The following ZNF385B variants were observed in gnomAD, a reference collection of about 807,000 sequenced individuals.
The protein encoded by ZNF385B is zinc finger protein 385B, also known as zinc finger protein 533.
ZNF385B carries 23 observed loss-of-function variants against 39.2 expected under a neutral mutation model. The observed-to-expected ratio is 0.59, with a 90% CI of 0.42 to 0.83. The LOEUF (loss-of-function observed/expected upper bound fraction) is 0.83. Ranked by LOEUF, ZNF385B falls within the 40% of genes least tolerant of loss-of-function variation. The pLI, the probability that ZNF385B is intolerant of heterozygous loss-of-function variation, is 0.00. For synonymous variants in ZNF385B, 205 were observed against 222.6 expected (o/e 0.92, Z 0.70); for missense variants, 552 against 598.9 (o/e 0.92, Z 0.82).
rs529958954 is a variant in ZNF385B, at chr2:179,740,041, C to G, written c.298+29462G>C. On this transcript the variant is annotated intron_variant, in intron 3 of 9. Transcript: ENST00000410066. ...TATGGAAAAATGACAGAAAAAGAAG[C>G]CCTTACAGATTCATTTCTGAATCTG... Among the ~76,000 whole-genome samples the G allele has an allele frequency of 3.5e-4, 54 of 152,126 alleles. 1 individual carries two copies. In the South Asian group the frequency reaches 0.01, roughly 29 times the overall value.
intron 3 of ZNF385B, among the ~76,000 whole-genome samples, chr2:179,594,191 G>C (rs573821444): frequency 6.6e-6 from 1 of 152,288 alleles, no homozygotes; most frequent in Admixed American, 6.5e-5. Flanking sequence ...GTATAGATTA[G>C]TAGTTCGTTT....
rs550733520 is a variant in ZNF385B, at chr2:179,653,321, G to C, written c.299-108352C>G. On this transcript the variant is annotated intron_variant, in intron 3 of 9. Coordinates refer to ENST00000410066, the MANE Select transcript of ZNF385B (RefSeq NM_152520.6). ...GCTGCACAGAAGAAGAGAGAAGTCA[G>C]GGTATTTCTTTTGAGTTCCTTCTGT... Among the ~76,000 whole-genome samples the C allele has an allele frequency of 2.6e-5, 4 of 152,312 alleles. No individual in the cohort carries two copies. The South Asian group carries it at 8.3e-4, about 32-fold the overall frequency.
intron 6 of ZNF385B, among the ~76,000 whole-genome samples, chr2:179,466,915 C>CAAAAAAAAAAAAAAA (rs777679885): frequency 7.4e-5 from 2 of 26,930 alleles, no homozygotes; most frequent in African/African-American, 1.5e-4. Flanking sequence ...GCAAGACTGT[C>CAAAAAAAAAAAAAAA]AAAAAAAAAA....
At chr2:179,678,202 G>A (rs17771213) in intron 3 of ZNF385B, among the ~76,000 whole-genome samples, 24,248 of 152,132 alleles carry the variant, frequency 0.16, 1,984 homozygotes, top group South Asian at 0.19. Context: ...CAGTCAATCT[G>A]TCTCCTCACA....
chr2:179,490,857 G>C lies in ZNF385B; in HGVS notation c.553-7423C>G, dbSNP rs543444855. ...GCGCATAAGAGAGACAATTATTTAAGCTTGGCTGTATCAACTGTGATCTGA... is the reference window on the plus strand; with the variant it reads ...GCGCATAAGAGAGACAATTATTTAACCTTGGCTGTATCAACTGTGATCTGA... On this transcript the variant is annotated intron_variant, in intron 5 of 9. Transcript: ENST00000410066. Among the ~76,000 whole-genome samples the C allele has an allele frequency of 8.5e-4, 129 of 152,198 alleles. 2 individuals are homozygous for C. In the South Asian group the frequency reaches 0.025, roughly 29 times the overall value.
chr2:179,821,190 C>T (rs1302992616), intron 1 of ZNF385B, among the ~76,000 whole-genome samples: 1 of 152,202 alleles, frequency 6.6e-6, no homozygotes, highest in East Asian at 1.9e-4. Flanking sequence ...GGAATTCTCT[C>T]TCCTGTTGCC....
At chr2:179,688,141 G>C (rs1179203060) in intron 3 of ZNF385B, among the ~76,000 whole-genome samples, 2 of 152,028 alleles carry the variant, frequency 1.3e-5, no homozygotes, top group Admixed American at 6.6e-5. Context: ...CTGTGGTCTA[G>C]AAATGAAAGA....
intron 3 of ZNF385B, among the ~76,000 whole-genome samples, chr2:179,571,551 T>G (rs1434551321): frequency 1.3e-5 from 2 of 152,164 alleles, no homozygotes; most frequent in African/African-American, 4.8e-5. Context: ...CACATTGTAC[T>G]CTTAATCAGT....
chr2:179,715,267 G>C (rs969318757), intron 3 of ZNF385B, among the ~76,000 whole-genome samples: 3 of 152,100 alleles, frequency 2.0e-5, no homozygotes, highest in Admixed American at 6.5e-5. Flanking sequence ...CACCACCATA[G>C]GTGATGACTT....
Position 179,737,275 on chromosome 2 carries a change from C to T in ZNF385B, c.298+32228G>A, listed in dbSNP as rs370929855. Among the ~76,000 whole-genome samples, 73 of 152,128 alleles carry T rather than the reference C, an allele frequency of 4.8e-4. 1 individual carries two copies. Among genetic ancestry groups the T allele is most frequent in the Admixed American group, 1.3e-3 (20 of 15,280 alleles). ...GATGCTTATTTATTATCAAGTATAACGAGAAAATGTTACTTTTCTCTACTT... is the reference window on the plus strand; with the variant it reads ...GATGCTTATTTATTATCAAGTATAATGAGAAAATGTTACTTTTCTCTACTT... On this transcript the variant is annotated intron_variant, in intron 3 of 9. Coordinates refer to ENST00000410066, the MANE Select transcript of ZNF385B (RefSeq NM_152520.6).
intron 1 of ZNF385B, among the ~76,000 whole-genome samples, chr2:179,818,724 T>G (rs976088077): frequency 2.6e-5 from 4 of 152,206 alleles, no homozygotes; most frequent in African/African-American, 9.6e-5. Context: ...TATCCAGAGC[T>G]GACTAGGAGG....
chr2:179,739,932 A>T (rs930204110), intron 3 of ZNF385B, among the ~76,000 whole-genome samples: 4 of 152,108 alleles, frequency 2.6e-5, no homozygotes, highest in African/African-American at 9.7e-5. Flanking sequence ...ATTACACAAA[A>T]TCCAAAAGCT....
intron 5 of ZNF385B, among the ~76,000 whole-genome samples, chr2:179,485,557 C>G (rs888965325): frequency 1.3e-5 from 2 of 152,024 alleles, no homozygotes; most frequent in African/African-American, 2.4e-5. Flanking sequence ...GGGTGATAGG[C>G]CTACTTTATC....
At chr2:179,721,908 G>A (rs1454280110) in intron 3 of ZNF385B, among the ~76,000 whole-genome samples, 2 of 151,896 alleles carry the variant, frequency 1.3e-5, no homozygotes, top group Non-Finnish European at 1.5e-5. Context: ...CTAAGAAATA[G>A]AGAAGATGAA....
chr2:179,481,924 A>G (rs2054041814), intron 6 of ZNF385B, among the ~76,000 whole-genome samples: 1 of 152,234 alleles, frequency 6.6e-6, no homozygotes, highest in South Asian at 2.1e-4. Context: ...ATAGATATTG[A>G]TTAAAGACTA....
Position 179,443,174 on chromosome 2 carries a change from T to G in ZNF385B, c.*76A>C. The G allele has an allele frequency of 6.4e-7, 1 of 1,563,334 alleles. No individual in the cohort carries two copies. Among genetic ancestry groups the G allele is most frequent in the Non-Finnish European group, 8.8e-7 (1 of 1,139,324 alleles). On this transcript the variant is annotated 3_prime_UTR_variant, in exon 10 of 10. Coordinates refer to ENST00000410066, the MANE Select transcript of ZNF385B (RefSeq NM_152520.6). ...GAATGGGGGGTACTGCAACACAAAC[T>G]GCTTAAATTGCTGAATCCTTGTGGC... is the stretch of plus-strand genomic sequence containing the variant.
At chr2:179,759,407 T>C (rs1157318937) in intron 3 of ZNF385B, among the ~76,000 whole-genome samples, 1 of 152,150 alleles carries the variant, frequency 6.6e-6, no homozygotes, top group Non-Finnish European at 1.5e-5. Flanking sequence ...GTGACTTTCT[T>C]ATCTATGTCT....
intron 5 of ZNF385B, among the ~76,000 whole-genome samples, chr2:179,509,388 A>G (rs1197823268): frequency 6.6e-6 from 1 of 152,208 alleles, no homozygotes; most frequent in African/African-American, 2.4e-5. Context: ...ATATGCTTCA[A>G]AAAAGATGAC....
intron 1 of ZNF385B, among the ~76,000 whole-genome samples, chr2:179,771,787 A>C (rs1047873451): frequency 2.6e-5 from 4 of 152,240 alleles, no homozygotes; most frequent in Admixed American, 1.3e-4. Context: ...AGTTGAAATA[A>C]GTAAGTGATT....
Sources: allele counts gnomAD v4.1 joint callset (sites outside exome capture counted in the v4.1 genomes callset), GRCh38; gene constraint gnomAD v4.1.1; transcripts MANE v1.5; gene names NCBI Gene and HGNC (gene_info 2026-07-23, HGNC 2026-07-21).